The following ZCCHC24 variants were observed in gnomAD, a reference collection of about 807,000 sequenced individuals.
The protein encoded by ZCCHC24 is zinc finger CCHC domain-containing protein 24.
A neutral mutation model predicts 26.2 loss-of-function variants in ZCCHC24; 10 were observed. That is an observed-to-expected ratio of 0.38 (90% CI 0.24 to 0.65). The LOEUF (loss-of-function observed/expected upper bound fraction) is 0.65. Among genes scored for constraint, ZCCHC24 ranks in the 30% least tolerant of loss-of-function variants. ZCCHC24 has a pLI of 0.54. For synonymous variants in ZCCHC24, 144 were observed against 147.1 expected (o/e 0.98, Z 0.15); for missense variants, 243 against 329.1 (o/e 0.74, Z 2.03).
At chr10:79,414,277 T>C (rs945035268) in intron 2 of ZCCHC24, among the ~76,000 whole-genome samples, 18 of 152,360 alleles carry the variant, frequency 1.2e-4, no homozygotes, top group Non-Finnish European at 2.2e-4. Context: ...CTCTAGAATT[T>C]GGGATAATGA....
chr10:79,444,151 C>T (rs776191773), intron 1 of ZCCHC24: 4 of 1,545,388 alleles, frequency 2.6e-6, no homozygotes, highest in Non-Finnish European at 3.5e-6. Flanking sequence ...TGTCCTCCCC[C>T]GAACACACCT....
intron 2 of ZCCHC24, among the ~76,000 whole-genome samples, chr10:79,404,416 G>T: frequency 6.6e-6 from 1 of 152,172 alleles, no homozygotes; most frequent in Non-Finnish European, 1.5e-5. Flanking sequence ...GGAGGGGCGG[G>T]AGGGGAAGAG....
intron 1 of ZCCHC24, among the ~76,000 whole-genome samples, chr10:79,433,608 C>T (rs1857167761): frequency 1.3e-5 from 2 of 152,236 alleles, no homozygotes; most frequent in Non-Finnish European, 2.9e-5. Context: ...AAGGCCAAGG[C>T]TGAAAGAGGC....
At chr10:79,434,002 A>G (rs952693490) in intron 1 of ZCCHC24, among the ~76,000 whole-genome samples, 1 of 152,226 alleles carries the variant, frequency 6.6e-6, no homozygotes, top group Non-Finnish European at 1.5e-5. Context: ...AACTGTATCC[A>G]TCTGCAGGCA....
rs1262378039 is a variant in ZCCHC24 at position 79,383,705 on chromosome 10, G to A, written c.*2640C>T. Reference sequence around the variant, plus strand: ...TACTGTGAAGATTTTTTCGGGAAAAGCTACCAAATTCAGTGTTGTGAGAAA... The same window carrying A: ...TACTGTGAAGATTTTTTCGGGAAAAACTACCAAATTCAGTGTTGTGAGAAA... On this transcript the variant is annotated 3_prime_UTR_variant, in exon 4 of 4. Transcript: ENST00000372336. The A allele has an allele frequency of 6.6e-6, 1 of 150,616 alleles. No individual in the cohort carries two copies. Among genetic ancestry groups the A allele is most frequent in the Non-Finnish European group, 1.5e-5 (1 of 67,778 alleles). 9.3% of individuals were successfully genotyped at this position (150,616 alleles called of 1,614,324 possible).
chr10:79,419,117 G>A (rs900010368), intron 2 of ZCCHC24, among the ~76,000 whole-genome samples: 3 of 152,174 alleles, frequency 2.0e-5, no homozygotes, highest in South Asian at 2.1e-4. Context: ...GAGGGGCTCC[G>A]GTGGGTGTTG....
chr10:79,413,894 A>G (rs1856827273), intron 2 of ZCCHC24, among the ~76,000 whole-genome samples: 1 of 152,238 alleles, frequency 6.6e-6, no homozygotes, highest in Non-Finnish European at 1.5e-5. Context: ...ATGGGTGGAT[A>G]CAAGCAGCAA....
At chr10:79,432,455 G>A (rs1857144741) in intron 2 of ZCCHC24, 103 bp downstream of exon 2, 2 of 1,227,002 alleles carry the variant, frequency 1.6e-6, no homozygotes, top group African/African-American at 3.1e-5. Flanking sequence ...CTCATTGGTG[G>A]AAGGGGCCCT....
At chr10:79,439,463 C>A (rs181573802) in intron 1 of ZCCHC24, among the ~76,000 whole-genome samples, 3 of 152,218 alleles carry the variant, frequency 2.0e-5, no homozygotes, top group Non-Finnish European at 4.4e-5. Context: ...CACCCACCCA[C>A]GTAGAAAACA....
intron 2 of ZCCHC24, among the ~76,000 whole-genome samples, chr10:79,414,262 G>A (rs1387358769): frequency 6.6e-6 from 1 of 152,224 alleles, no homozygotes; most frequent in Non-Finnish European, 1.5e-5. Flanking sequence ...TTAAGTTCTT[G>A]GAGTCTCTAG....
intron 1 of ZCCHC24, among the ~76,000 whole-genome samples, chr10:79,441,133 G>A (rs1016093713): frequency 7.3e-6 from 1 of 137,600 alleles, no homozygotes; most frequent in Non-Finnish European, 1.6e-5. Context: ...AGGCTGCTGG[G>A]AACCCACCTG....
At chr10:79,403,512 G>C (rs2132186830) in intron 2 of ZCCHC24, 1 of 985,456 alleles carries the variant, frequency 1.0e-6, no homozygotes, top group Non-Finnish European at 1.2e-6. Context: ...GGAGGCCCCG[G>C]AGGAAGCAGG....
chr10:79,432,136 G>A (rs1050241685), intron 2 of ZCCHC24, among the ~76,000 whole-genome samples: 5 of 152,218 alleles, frequency 3.3e-5, no homozygotes, highest in African/African-American at 1.2e-4. Context: ...CAGGGGAGGG[G>A]GTGCACATCT....
chr10:79,428,115 A>G (rs1017473405), intron 2 of ZCCHC24, among the ~76,000 whole-genome samples: 5 of 152,240 alleles, frequency 3.3e-5, no homozygotes, highest in African/African-American at 1.2e-4. Flanking sequence ...GGTGGAAGCA[A>G]TCCAGTTGTC....
At chr10:79,434,459 GT>G (rs1457537669) in intron 1 of ZCCHC24, among the ~76,000 whole-genome samples, 1 of 152,154 alleles carries the variant, frequency 6.6e-6, no homozygotes, top group Admixed American at 6.5e-5. Flanking sequence ...ATGGGGGAGA[GT>G]TCTGATAAAA....
At chr10:79,413,500 G>A (rs566975733) in intron 2 of ZCCHC24, among the ~76,000 whole-genome samples, 3 of 152,210 alleles carry the variant, frequency 2.0e-5, no homozygotes, top group Non-Finnish European at 2.9e-5. Context: ...AGTGAAATCC[G>A]CCAGGCTACA....
At chr10:79,392,117 T>A (rs1856487514) in intron 3 of ZCCHC24, among the ~76,000 whole-genome samples, 1 of 152,000 alleles carries the variant, frequency 6.6e-6, no homozygotes, top group Non-Finnish European at 1.5e-5. Context: ...GTCATCATAC[T>A]TTTACAAATA....
At chr10:79,390,969 A>T (rs1321723886) in intron 3 of ZCCHC24, among the ~76,000 whole-genome samples, 1 of 152,060 alleles carries the variant, frequency 6.6e-6, no homozygotes. Context: ...CAGCTGGGGG[A>T]TAGAGAGGCA....
Position 79,386,396 on chromosome 10 carries a change from G to A in ZCCHC24, c.675C>T (p.His225=). Residue 225 remains histidine (H), a synonymous_variant, in exon 4 of 4, where the codon CAC becomes CAT. Transcript: ENST00000372336. ...VSDQSKEHPQ[H]LCEKCKVLGY... ...CCAGGACCTTGCACTTCTCGCAGAG[G>A]TGCTGCGGGTGCTCCTTGCTCTGGT... 1 of 1,612,402 alleles carries A rather than the reference G, an allele frequency of 6.2e-7. No homozygotes were observed. The highest frequency in any genetic ancestry group is 8.5e-7 in the Non-Finnish European group (1 of 1,178,874).
Sources: gnomAD v4.1 joint callset for allele counts (sites outside exome capture counted in the v4.1 genomes callset) on GRCh38, gnomAD v4.1.1 for gene constraint, MANE v1.5 for transcripts, NCBI Gene and HGNC (gene_info 2026-07-23, HGNC 2026-07-21) for gene names.